HERC4: variants seen among roughly 807,000 people sequenced by gnomAD.
HERC4 encodes the protein HECT and RLD domain containing E3 ubiquitin protein ligase 4, also known as probable E3 ubiquitin-protein ligase HERC4.
In HERC4, 28 loss-of-function variants were observed where a neutral mutation model predicts 124.3. The ratio of observed to expected loss-of-function variants is 0.23; its 90% CI spans 0.17 to 0.31. The LOEUF (loss-of-function observed/expected upper bound fraction) is 0.31, where lower values mean the gene tolerates loss of function less well. HERC4 is among the 10% of genes least tolerant of loss of function. HERC4 has a pLI of 1.00. For synonymous variants in HERC4, 407 were observed against 421.5 expected, an observed-to-expected ratio of 0.97 and a Z score of 0.42; for missense variants, 713 against 1,229.3, an observed-to-expected ratio of 0.58 and a Z score of 6.28.
chr10:68,063,800 A>G (rs1195314880), intron 3 of HERC4, among the ~76,000 whole-genome samples: 4 of 151,554 alleles, frequency 2.6e-5, no homozygotes, highest in Non-Finnish European at 5.9e-5. Flanking sequence ...TTAGCAGGGC[A>G]TGTTGACGGG....
chr10:67,947,121 T>C (rs192638999), intron 19 of HERC4, among the ~76,000 whole-genome samples: 1 of 152,256 alleles, frequency 6.6e-6, no homozygotes, highest in Admixed American at 6.5e-5. Flanking sequence ...ACAGACCAAA[T>C]GGATTTAACA....
chr10:67,976,334 T>A (rs1057003968), intron 15 of HERC4, among the ~76,000 whole-genome samples: 2 of 152,202 alleles, frequency 1.3e-5, no homozygotes, highest in African/African-American at 4.8e-5. Flanking sequence ...TTTATACATA[T>A]ACAAACTAAT....
chr10:67,967,485 G>GCAAA (rs2034957910), intron 15 of HERC4, among the ~76,000 whole-genome samples: 1 of 152,150 alleles, frequency 6.6e-6, no homozygotes, highest in Admixed American at 6.5e-5. Flanking sequence ...GTGTTGCTCT[G>GCAAA]TGCTGGCATC....
chr10:68,025,023 G>C (rs930324432), intron 8 of HERC4, among the ~76,000 whole-genome samples: 1 of 152,100 alleles, frequency 6.6e-6, no homozygotes, highest in African/African-American at 2.4e-5. Context: ...AGGAAAAAAG[G>C]TAAGCCTGGG....
intron 9 of HERC4, among the ~76,000 whole-genome samples, chr10:67,997,984 C>T (rs979927972): frequency 1.1e-4 from 17 of 151,954 alleles, no homozygotes; most frequent in African/African-American, 3.6e-4. Context: ...TCACTGCAAC[C>T]GCCTCCCGGG....
rs186212511 is a variant in HERC4, at chr10:67,996,578, T to A, written c.1070-3896A>T. ...TACATGGGTTAAAATCATTAATACT[T>A]AACGTATTAGAACTTAAAATTGAGA... On this transcript the variant is annotated intron_variant, in intron 9 of 24. Transcript: ENST00000373700. Among the ~76,000 whole-genome samples the A allele has an allele frequency of 3.7e-3, 571 of 152,304 alleles. 4 individuals carry two copies. Among genetic ancestry groups the A allele is most frequent in the Non-Finnish European group, 4.2e-3 (288 of 68,030 alleles).
chr10:68,044,645 A>G, intron 3 of HERC4, 82 bp from the exon 4 acceptor site: 1 of 1,247,032 alleles, frequency 8.0e-7, no homozygotes. Flanking sequence ...TTGAACTTCC[A>G]ATAAGAACAA....
intron 15 of HERC4, among the ~76,000 whole-genome samples, chr10:67,988,368 A>T (rs1015028059): frequency 2.0e-5 from 3 of 152,060 alleles, no homozygotes; most frequent in African/African-American, 7.2e-5. Context: ...CAAACTAACA[A>T]ATTATATTCT....
chr10:68,043,203 G>A (rs2039855728), intron 4 of HERC4, among the ~76,000 whole-genome samples: 2 of 152,144 alleles, frequency 1.3e-5, no homozygotes, highest in Non-Finnish European at 2.9e-5. Flanking sequence ...AGAATCATCA[G>A]ACTGGTAGAG....
In HERC4 at chr10:68,050,268, G is replaced by A. The variant is rs79757490; in HGVS notation, c.227-5705C>T. 6.5e-3 allele frequency among the ~76,000 whole-genome samples: 993 copies of A among 152,296 alleles called. 13 individuals are homozygous for A. The highest frequency in any genetic ancestry group is 0.021 in the African/African-American group (857 of 41,564). ...AGAGGGAACAATAGCGTGGTCAAATGTAAGAGCCAAGCTTCTCAATGTGTA... is the reference window on the plus strand; with the variant it reads ...AGAGGGAACAATAGCGTGGTCAAATATAAGAGCCAAGCTTCTCAATGTGTA... On this transcript the variant is annotated intron_variant, in intron 3 of 24. Transcript: ENST00000373700.
chr10:67,973,425 T>C (rs1812671), intron 15 of HERC4, among the ~76,000 whole-genome samples: 15,740 of 152,258 alleles, frequency 0.1, 903 homozygotes, highest in South Asian at 0.15. Context: ...CCCAATCCCG[T>C]AGGAATTAGA....
rs145549775 is a variant in HERC4 at position 68,000,789 on chromosome 10, C to T, written c.1070-8107G>A. Reference sequence around the variant, plus strand: ...CCAAGGTCTACAAGCGAAGGAATGCCAAAGATTGACAGCAAACCACCAGAA... The same window carrying T: ...CCAAGGTCTACAAGCGAAGGAATGCTAAAGATTGACAGCAAACCACCAGAA... On this transcript the variant is annotated intron_variant, in intron 9 of 24. Coordinates refer to ENST00000373700, the MANE Select transcript of HERC4 (RefSeq NM_015601.4). Among the ~76,000 whole-genome samples the T allele has an allele frequency of 9.2e-5, 14 of 152,136 alleles. No individual in the cohort carries two copies. The East Asian group carries it at 2.7e-3, about 29-fold the overall frequency.
At position 67,985,384 on chromosome 10, in the gene HERC4, T is replaced by G. The variant is rs1297275371; in HGVS notation, c.1806+3279A>C. 2.0e-5 allele frequency among the ~76,000 whole-genome samples: 3 copies of G among 152,372 alleles called. No homozygotes were observed. The East Asian group carries it at 5.8e-4, about 29-fold the overall frequency. On this transcript the variant is annotated intron_variant, in intron 15 of 24. Coordinates refer to ENST00000373700, the MANE Select transcript of HERC4 (RefSeq NM_015601.4). The stretch of plus-strand genomic sequence containing the variant: ...CACGGTAGAAGTTCAAAACAACTTA[T>G]GTGTTTAGGATTATTGCCTAAATGT...
At chr10:67,934,941 A>G (rs1589126749) in intron 22 of HERC4, among the ~76,000 whole-genome samples, 1 of 145,608 alleles carries the variant, frequency 6.9e-6, no homozygotes, top group Non-Finnish European at 1.5e-5. Context: ...GACAGATTTC[A>G]TTCATTCCAA....
chr10:68,002,861 A>C (rs2037312402), intron 9 of HERC4, among the ~76,000 whole-genome samples: 1 of 151,976 alleles, frequency 6.6e-6, no homozygotes, highest in Non-Finnish European at 1.5e-5. Flanking sequence ...TGGCCTCCCA[A>C]AGTGCTGGGA....
chr10:67,968,620 C>A (rs990904371), intron 15 of HERC4, among the ~76,000 whole-genome samples: 3 of 152,014 alleles, frequency 2.0e-5, no homozygotes, highest in Admixed American at 6.6e-5. Context: ...CGTGATCTGC[C>A]CACCTTGGCC....
intron 9 of HERC4, chr10:68,010,089 A>G: frequency 1.5e-6 from 1 of 673,114 alleles, no homozygotes; most frequent in South Asian, 1.6e-5. Context: ...TGTGTTCCCA[A>G]TTCCTTCCTT....
intron 15 of HERC4, among the ~76,000 whole-genome samples, chr10:67,975,908 C>A (rs1367575303): frequency 6.6e-6 from 1 of 152,116 alleles, no homozygotes; most frequent in Admixed American, 6.5e-5. Flanking sequence ...CTATTACTAG[C>A]TTTCAAACAA....
In HERC4 at chr10:67,931,491, C is replaced by T. The variant is rs182028300; in HGVS notation, c.2838+1106G>A. ...TTTTTGGAGAGTGCAGTGGCGCGAT[C>T]TTGGCTCACTGCAACCTCCGCTTCC... On this transcript the variant is annotated intron_variant, in intron 23 of 24. Coordinates refer to ENST00000373700, the MANE Select transcript of HERC4 (RefSeq NM_015601.4). Among the ~76,000 whole-genome samples, 15 of 152,238 alleles carry T rather than the reference C, an allele frequency of 9.9e-5. No homozygotes were observed. In the East Asian group the frequency reaches 2.9e-3, roughly 29 times the overall value.
Sources: gnomAD v4.1 joint callset for allele counts (sites outside exome capture counted in the v4.1 genomes callset) on GRCh38, gnomAD v4.1.1 for gene constraint, MANE v1.5 for transcripts, NCBI Gene and HGNC (gene_info 2026-07-23, HGNC 2026-07-21) for gene names.